The following ERC2 variants were observed in gnomAD, a reference collection of about 807,000 sequenced individuals.
The protein encoded by ERC2 is ELKS/RAB6-interacting/CAST family member 2.
ERC2 carries 42 observed loss-of-function variants against 114.8 expected under a neutral mutation model. The ratio of observed to expected loss-of-function variants is 0.37; its 90% CI spans 0.29 to 0.47. ERC2 has a LOEUF of 0.47. Ranked by LOEUF, ERC2 falls within the 20% of genes least tolerant of loss-of-function variation. ERC2 has a pLI of 0.99. For synonymous variants in ERC2, 454 were observed against 425.5 expected (o/e 1.07, Z -0.82); for missense variants, 939 against 1,150.7 (o/e 0.82, Z 2.66).
At chr3:56,377,125 T>A (rs2059576376) in intron 2 of ERC2, among the ~76,000 whole-genome samples, 1 of 152,186 alleles carries the variant, frequency 6.6e-6, no homozygotes, top group Non-Finnish European at 1.5e-5. Flanking sequence ...TACCACTGTA[T>A]CCTAGTGTCT....
intron 3 of ERC2, among the ~76,000 whole-genome samples, chr3:56,222,485 C>T (rs2049976888): frequency 6.6e-6 from 1 of 152,194 alleles, no homozygotes; most frequent in East Asian, 1.9e-4. Context: ...CAATTCTCAA[C>T]TACAACACCA....
chr3:56,262,333 G>T (rs963218081), intron 3 of ERC2, among the ~76,000 whole-genome samples: 10 of 152,222 alleles, frequency 6.6e-5, no homozygotes, highest in Non-Finnish European at 1.3e-4. Context: ...AGGTGAAGTT[G>T]TGGGGGACCA....
intron 14 of ERC2, among the ~76,000 whole-genome samples, chr3:55,832,389 G>A (rs557778525): frequency 1.3e-5 from 2 of 152,234 alleles, no homozygotes; most frequent in South Asian, 2.1e-4. Flanking sequence ...TCACACGGCC[G>A]GGTACTCCTC....
chr3:56,287,483 T>C (rs1169340235), intron 3 of ERC2, among the ~76,000 whole-genome samples: 1 of 152,232 alleles, frequency 6.6e-6, no homozygotes, highest in Non-Finnish European at 1.5e-5. Context: ...AGCCCTGACG[T>C]TGCCTTCTAC....
At chr3:56,299,266 T>A (rs2055695805) in intron 2 of ERC2, among the ~76,000 whole-genome samples, 1 of 151,710 alleles carries the variant, frequency 6.6e-6, no homozygotes, top group Admixed American at 6.6e-5. Context: ...TAGCTGGGAC[T>A]ACAGGTGCCC....
intron 15 of ERC2, among the ~76,000 whole-genome samples, chr3:55,731,724 A>G (rs1337134093): frequency 6.6e-6 from 1 of 152,180 alleles, no homozygotes; most frequent in Non-Finnish European, 1.5e-5. Context: ...TCTTCTCTAT[A>G]AGAGTATCAA....
At chr3:56,380,631 A>G (rs1161509037) in intron 2 of ERC2, among the ~76,000 whole-genome samples, 1 of 152,220 alleles carries the variant, frequency 6.6e-6, no homozygotes, top group Non-Finnish European at 1.5e-5. Flanking sequence ...CGAGTCCTCA[A>G]ACTCAATACA....
intron 2 of ERC2, among the ~76,000 whole-genome samples, chr3:56,404,264 T>C (rs1363967807): frequency 2.0e-5 from 3 of 152,250 alleles, no homozygotes; most frequent in East Asian, 1.9e-4. Flanking sequence ...TCTAATGATA[T>C]TAAATTTTTG....
At chr3:55,900,185 G>T (rs541965354) in intron 13 of ERC2, among the ~76,000 whole-genome samples, 4 of 152,250 alleles carry the variant, frequency 2.6e-5, no homozygotes. Context: ...CCTCCACCCT[G>T]CCCCACAATG....
At chr3:56,013,671 G>A (rs1276919037) in intron 8 of ERC2, among the ~76,000 whole-genome samples, 3 of 152,122 alleles carry the variant, frequency 2.0e-5, no homozygotes, top group African/African-American at 7.2e-5. Flanking sequence ...TTATTTCTGG[G>A]CAAATCATTT....
intron 17 of ERC2, among the ~76,000 whole-genome samples, chr3:55,559,951 C>G (rs2055891395): frequency 6.6e-6 from 1 of 152,198 alleles, no homozygotes; most frequent in African/African-American, 2.4e-5. Flanking sequence ...CAGACATTAT[C>G]TCATCCATCC....
chr3:56,413,297 C>T (rs551411674), intron 2 of ERC2, among the ~76,000 whole-genome samples: 1 of 152,362 alleles, frequency 6.6e-6, no homozygotes, highest in African/African-American at 2.4e-5. Flanking sequence ...CCTCTCAGGA[C>T]AGGGCCTTGC....
At chr3:56,265,349 G>A (rs919003497) in intron 3 of ERC2, among the ~76,000 whole-genome samples, 1 of 152,188 alleles carries the variant, frequency 6.6e-6, no homozygotes, top group Admixed American at 6.5e-5. Context: ...AAGACACAAT[G>A]AGGAAAGGAC....
At chr3:56,192,905 A>C (rs1236077721) in intron 3 of ERC2, among the ~76,000 whole-genome samples, 2 of 152,184 alleles carry the variant, frequency 1.3e-5, no homozygotes, top group African/African-American at 4.8e-5. Flanking sequence ...GTTTTCCATA[A>C]GGTCTCCCAC....
chr3:55,595,232 G>T (rs2058074608), intron 17 of ERC2, among the ~76,000 whole-genome samples: 1 of 152,184 alleles, frequency 6.6e-6, no homozygotes, highest in Non-Finnish European at 1.5e-5. Context: ...CAAGATATCT[G>T]TTTAAATGTC....
At chr3:55,674,388 T>C (rs1197697097) in intron 17 of ERC2, among the ~76,000 whole-genome samples, 1 of 152,218 alleles carries the variant, frequency 6.6e-6, no homozygotes, top group South Asian at 2.1e-4. Flanking sequence ...AGGAAAAATA[T>C]GGCAAGATAT....
intron 13 of ERC2, among the ~76,000 whole-genome samples, chr3:55,937,823 G>A (rs954034804): frequency 6.6e-6 from 1 of 152,082 alleles, no homozygotes; most frequent in Non-Finnish European, 1.5e-5. Context: ...TTGTATTCAG[G>A]GTGGCTTATG....
intron 17 of ERC2, among the ~76,000 whole-genome samples, chr3:55,573,660 C>T (rs1056253326): frequency 2.0e-5 from 3 of 152,060 alleles, no homozygotes; most frequent in African/African-American, 7.2e-5. Context: ...CCTCCTTAGT[C>T]CTCTGCTTGC....
intron 1 of ERC2, among the ~76,000 whole-genome samples, chr3:56,457,253 T>C (rs2063106711): frequency 6.6e-6 from 1 of 151,970 alleles, no homozygotes; most frequent in Non-Finnish European, 1.5e-5. Context: ...TGGGAGAGAG[T>C]CTCAAAACCA....
Sources: gnomAD v4.1 joint callset for allele counts (sites outside exome capture counted in the v4.1 genomes callset) on GRCh38, gnomAD v4.1.1 for gene constraint, MANE v1.5 for transcripts, NCBI Gene and HGNC (gene_info 2026-07-23, HGNC 2026-07-21) for gene names.